CNTN5: variants seen among roughly 807,000 people sequenced by gnomAD.
CNTN5 encodes the protein contactin-5.
Under a neutral mutation model 129.1 loss-of-function variants are expected in CNTN5, and 77 were observed. The ratio of observed to expected loss-of-function variants is 0.60; its 90% confidence interval spans 0.50 to 0.72. The LOEUF (loss-of-function observed/expected upper bound fraction) is 0.72. Ranked by LOEUF, CNTN5 falls within the 30% of genes least tolerant of loss-of-function variation. The pLI is 0.00. For synonymous variants in CNTN5, 509 were observed against 465.6 expected, an observed-to-expected ratio of 1.09 and a Z score of -1.20; for missense variants, 1,478 against 1,328.8, an observed-to-expected ratio of 1.11 and a Z score of -1.75.
chr11:100,346,882 G>C (rs1360513959), intron 23 of CNTN5, among the ~76,000 whole-genome samples: 1 of 152,200 alleles, frequency 6.6e-6, no homozygotes, highest in East Asian at 1.9e-4. Flanking sequence ...GAGGCCTCAC[G>C]ATCACGGCGG....
chr11:99,801,299 T>C (rs1013266268), intron 3 of CNTN5, among the ~76,000 whole-genome samples: 1 of 152,198 alleles, frequency 6.6e-6, no homozygotes, highest in African/African-American at 2.4e-5. Context: ...CTGAGAAGTC[T>C]GCAGTTAATC....
chr11:99,736,953 A>G (rs1591065483), intron 3 of CNTN5, among the ~76,000 whole-genome samples: 1 of 151,934 alleles, frequency 6.6e-6, no homozygotes, highest in East Asian at 1.9e-4. Flanking sequence ...AAATCATAAA[A>G]GCCTGGGAAA....
intron 1 of CNTN5, among the ~76,000 whole-genome samples, chr11:99,088,861 C>T (rs144727256): frequency 6.6e-6 from 1 of 152,090 alleles, no homozygotes; most frequent in Non-Finnish European, 1.5e-5. Context: ...GTAAGGAAAT[C>T]AATGTTTATC....
chr11:99,450,292 G>T (rs12806592), intron 2 of CNTN5, among the ~76,000 whole-genome samples: 1 of 148,534 alleles, frequency 6.7e-6, no homozygotes, highest in Non-Finnish European at 1.5e-5. Flanking sequence ...ATATGTTTGT[G>T]TATGTATGTA....
chr11:99,899,771 C>G (rs1415869130), intron 6 of CNTN5, among the ~76,000 whole-genome samples: 2 of 151,882 alleles, frequency 1.3e-5, no homozygotes, highest in Admixed American at 6.6e-5. Context: ...CATTCCTTCT[C>G]CTTGATTTTT....
At chr11:99,931,199 A>C (rs1424214598) in intron 7 of CNTN5, among the ~76,000 whole-genome samples, 1 of 152,156 alleles carries the variant, frequency 6.6e-6, no homozygotes, top group Non-Finnish European at 1.5e-5. Context: ...CAATAGAAAA[A>C]TGTTTTGTTC....
At chr11:100,187,017 CA>C (rs1244044240) in intron 13 of CNTN5, among the ~76,000 whole-genome samples, 3 of 152,180 alleles carry the variant, frequency 2.0e-5, no homozygotes, top group African/African-American at 7.2e-5. Context: ...ACTTAACAGA[CA>C]AAAAACATTG....
intron 13 of CNTN5, among the ~76,000 whole-genome samples, chr11:100,154,180 C>T (rs541651100): frequency 2.4e-4 from 36 of 151,978 alleles, no homozygotes; most frequent in African/African-American, 7.7e-4. Context: ...TGTTTACTGC[C>T]GCTAATGAGG....
At chr11:99,584,248 G>A (rs1381374281) in intron 3 of CNTN5, among the ~76,000 whole-genome samples, 2 of 152,166 alleles carry the variant, frequency 1.3e-5, no homozygotes, top group Non-Finnish European at 2.9e-5. Flanking sequence ...AACACTCAGA[G>A]TATTAAAATT....
At chr11:100,087,783 C>T (rs1367312144) in intron 13 of CNTN5, among the ~76,000 whole-genome samples, 2 of 151,898 alleles carry the variant, frequency 1.3e-5, no homozygotes, top group African/African-American at 4.8e-5. Flanking sequence ...TAATAGAAAT[C>T]TACAGAATAC....
chr11:99,210,183 A>T (rs533646524), intron 1 of CNTN5, among the ~76,000 whole-genome samples: 1 of 152,310 alleles, frequency 6.6e-6, no homozygotes, highest in Non-Finnish European at 1.5e-5. Context: ...CATTCTGGAA[A>T]TAATCTTTCT....
intron 7 of CNTN5, among the ~76,000 whole-genome samples, chr11:99,920,773 C>T (rs1282838121): frequency 6.6e-6 from 1 of 152,050 alleles, no homozygotes; most frequent in African/African-American, 2.4e-5. Context: ...TTCATGAGAG[C>T]TTCACTCTCA....
chr11:99,934,940 A>C (rs1327227001), intron 7 of CNTN5, among the ~76,000 whole-genome samples: 1 of 87,464 alleles, frequency 1.1e-5, no homozygotes, highest in Non-Finnish European at 2.1e-5. Flanking sequence ...ATATATATAT[A>C]TATATATACA....
intron 1 of CNTN5, among the ~76,000 whole-genome samples, chr11:99,122,722 A>G (rs1263961614): frequency 1.3e-5 from 2 of 152,016 alleles, no homozygotes; most frequent in African/African-American, 4.8e-5. Flanking sequence ...ACCTACAACT[A>G]GGCTGCAATG....
At chr11:99,885,578 C>A (rs2135878824) in intron 6 of CNTN5, among the ~76,000 whole-genome samples, 1 of 152,138 alleles carries the variant, frequency 6.6e-6, no homozygotes, top group South Asian at 2.1e-4. Context: ...TTATCTCAGG[C>A]AAAAATAATC....
chr11:100,027,696 C>T (rs1941497943), intron 9 of CNTN5, among the ~76,000 whole-genome samples: 1 of 152,144 alleles, frequency 6.6e-6, no homozygotes, highest in Non-Finnish European at 1.5e-5. Context: ...TTAGTTTCTC[C>T]AGACTCCCAG....
At chr11:100,117,111 T>C (rs1368962516) in intron 13 of CNTN5, among the ~76,000 whole-genome samples, 1 of 152,044 alleles carries the variant, frequency 6.6e-6, no homozygotes, top group Non-Finnish European at 1.5e-5. Context: ...AATAAGCATA[T>C]GTTTCTTTTC....
chr11:99,305,366 G>A (rs1009308889), intron 1 of CNTN5, among the ~76,000 whole-genome samples: 5 of 152,134 alleles, frequency 3.3e-5, no homozygotes, highest in African/African-American at 4.8e-5. Context: ...AACAGCAAAA[G>A]CTGGCAATCT....
At chr11:99,542,628 C>CA (rs1383742445) in intron 2 of CNTN5, among the ~76,000 whole-genome samples, 1 of 152,156 alleles carries the variant, frequency 6.6e-6, no homozygotes, top group African/African-American at 2.4e-5. Flanking sequence ...GTGACAACAA[C>CA]AAAAAAATCT....
Sources: allele counts gnomAD v4.1 joint callset (sites outside exome capture counted in the v4.1 genomes callset), GRCh38; gene constraint gnomAD v4.1.1; transcripts MANE v1.5; gene names NCBI Gene and HGNC (gene_info 2026-07-23, HGNC 2026-07-21).